Variants in PRKG1 observed in about 807,000 individuals in gnomAD.
The protein encoded by PRKG1 is cGMP-dependent protein kinase 1.
PRKG1 carries 35 observed loss-of-function variants against 88.1 expected under a neutral mutation model. The observed-to-expected ratio is 0.40, with a 90% CI of 0.30 to 0.53. The LOEUF (loss-of-function observed/expected upper bound fraction) is 0.53, where lower values mean the gene tolerates loss of function less well. Ranked by LOEUF, PRKG1 falls within the 20% of genes least tolerant of loss-of-function variation. The pLI, the probability that PRKG1 is intolerant of heterozygous loss-of-function variation, is 0.59. For synonymous variants in PRKG1, 303 were observed against 292.5 expected (o/e 1.04, Z -0.37); for missense variants, 540 against 839.8 (o/e 0.64, Z 4.41).
chr10:52,140,820 T>C (rs1223296006), intron 8 of PRKG1, among the ~76,000 whole-genome samples: 1 of 151,872 alleles, frequency 6.6e-6, no homozygotes, highest in Non-Finnish European at 1.5e-5. Flanking sequence ...CCAATGGTGA[T>C]TTGCCCACCG....
chr10:51,635,327 C>T (rs557847870), intron 3 of PRKG1, among the ~76,000 whole-genome samples: 51 of 146,940 alleles, frequency 3.5e-4, no homozygotes, highest in African/African-American at 1.2e-3. Context: ...GAAGTTGCCA[C>T]AGTATGAAAG....
chr10:52,141,776 G>A (rs1837588114), intron 8 of PRKG1, among the ~76,000 whole-genome samples: 1 of 152,116 alleles, frequency 6.6e-6, no homozygotes, highest in South Asian at 2.1e-4. Flanking sequence ...AAGTGGATAA[G>A]TCAGAAAGTC....
intron 1 of PRKG1, among the ~76,000 whole-genome samples, chr10:51,061,433 A>G (rs896170183): frequency 1.3e-5 from 2 of 152,220 alleles, no homozygotes; most frequent in Non-Finnish European, 2.9e-5. Context: ...GTGGGAACTC[A>G]GCCAAACCAT....
rs751164572 is a variant in PRKG1, at chr10:51,567,033, TATCAC to T, written c.592+99199_592+99203del. 4.5e-3 allele frequency among the ~76,000 whole-genome samples: 678 copies of T among 152,182 alleles called. 10 individuals carry two copies. Among genetic ancestry groups the T allele is most frequent in the Middle Eastern group, 0.044 (13 of 294 alleles). ...GTGATTACTTCACAATGTGTACATA[TATCAC>T]AACACTAAGTTGTTCATCTTAAATA... On this transcript the variant is annotated intron_variant, in intron 3 of 17. Transcript: ENST00000373980.
At chr10:51,477,388 T>A (rs1840227798) in intron 3 of PRKG1, among the ~76,000 whole-genome samples, 1 of 149,938 alleles carries the variant, frequency 6.7e-6, no homozygotes, top group Admixed American at 6.8e-5. Flanking sequence ...CATGGATGGG[T>A]TTAGTGGAGG....
chr10:51,321,257 T>C (rs896254935), intron 2 of PRKG1, among the ~76,000 whole-genome samples: 1 of 152,106 alleles, frequency 6.6e-6, no homozygotes. Flanking sequence ...CCTCCAAGAC[T>C]CAGTTAGCTC....
At chr10:51,264,262 C>T (rs571919124) in intron 2 of PRKG1, among the ~76,000 whole-genome samples, 2 of 152,244 alleles carry the variant, frequency 1.3e-5, no homozygotes, top group South Asian at 4.1e-4. Flanking sequence ...AAGGTTGCAT[C>T]CAAAATGTTG....
chr10:51,623,371 T>TTTTA (rs1210488544), intron 3 of PRKG1, among the ~76,000 whole-genome samples: 2 of 152,118 alleles, frequency 1.3e-5, no homozygotes, highest in Non-Finnish European at 2.9e-5. Context: ...TGGCTAATTT[T>TTTTA]TTTAACTATT....
intron 2 of PRKG1, among the ~76,000 whole-genome samples, chr10:51,443,632 A>T (rs1484176828): frequency 6.6e-6 from 1 of 152,012 alleles, no homozygotes; most frequent in Non-Finnish European, 1.5e-5. Context: ...TGATCCACAA[A>T]TGTGGACTTT....
At chr10:51,505,455 G>C (rs1422528111) in intron 3 of PRKG1, among the ~76,000 whole-genome samples, 1 of 152,066 alleles carries the variant, frequency 6.6e-6, no homozygotes, top group Non-Finnish European at 1.5e-5. Context: ...GTCTCTGCTA[G>C]GCTTTGGTAT....
intron 1 of PRKG1, among the ~76,000 whole-genome samples, chr10:51,068,058 G>C (rs933841288): frequency 2.0e-5 from 3 of 151,988 alleles, no homozygotes; most frequent in Non-Finnish European, 4.4e-5. Context: ...TGCATCTCCT[G>C]GGCCCCAGCC....
At chr10:51,834,334 A>C (rs1211216253) in intron 4 of PRKG1, among the ~76,000 whole-genome samples, 1 of 152,066 alleles carries the variant, frequency 6.6e-6, no homozygotes, top group African/African-American at 2.4e-5. Flanking sequence ...TTCTAGGCCT[A>C]AATTTATTGA....
At chr10:52,117,840 C>T (rs937087252) in intron 7 of PRKG1, among the ~76,000 whole-genome samples, 1 of 151,936 alleles carries the variant, frequency 6.6e-6, no homozygotes, top group African/African-American at 2.4e-5. Context: ...TGATAAAATA[C>T]ATACACATGG....
In PRKG1 at chr10:52,062,623, C is replaced by G. The variant is rs758935567; in HGVS notation, c.927C>G (p.Ala309=). 1 of 1,598,158 alleles carries G rather than the reference C, an allele frequency of 6.3e-7. No individual in the cohort carries two copies. The highest frequency in any genetic ancestry group is 1.1e-5 in the South Asian group (1 of 89,070). ...LGKGDWFGEK[A]LQGEDVRTAN... ...AAGGAGACTGGTTTGGAGAGAAAGC[C>G]TTGCAGGGGTAAGTAGATCATGTGT... Residue 309 remains alanine, a synonymous_variant, in exon 7 of 18, where the codon GCC becomes GCG. Coordinates refer to ENST00000373980, the MANE Select transcript of PRKG1 (RefSeq NM_006258.4).
At chr10:50,993,923 C>G (rs1234182786) in intron 1 of PRKG1, among the ~76,000 whole-genome samples, 1 of 152,220 alleles carries the variant, frequency 6.6e-6, no homozygotes, top group Non-Finnish European at 1.5e-5. Context: ...CCTCCCTTTC[C>G]CAACATTTTC....
At chr10:52,022,224 T>C (rs1845204056) in intron 5 of PRKG1, among the ~76,000 whole-genome samples, 1 of 152,192 alleles carries the variant, frequency 6.6e-6, no homozygotes, top group Non-Finnish European at 1.5e-5. Context: ...TAGACTAGGC[T>C]AAGTTATGAT....
intron 2 of PRKG1, among the ~76,000 whole-genome samples, chr10:51,230,742 A>G (rs1368844172): frequency 6.6e-6 from 1 of 152,160 alleles, no homozygotes; most frequent in Non-Finnish European, 1.5e-5. Context: ...AGTAAATGCT[A>G]TGTAAATAGT....
rs572288864 is a variant in PRKG1, at chr10:52,206,267, G to A, written c.1076+44304G>A. ...TCCTTCAGCTCCATCAGATCAGTTTGTTTCTTTCTCTAAATGGCCATTTCC... is the reference window on the plus strand; with the variant it reads ...TCCTTCAGCTCCATCAGATCAGTTTATTTCTTTCTCTAAATGGCCATTTCC... On this transcript the variant is annotated intron_variant, in intron 9 of 17. Transcript: ENST00000373980. Among the ~76,000 whole-genome samples, 21 of 152,134 alleles carry A rather than the reference G, an allele frequency of 1.4e-4. No individual in the cohort carries two copies. The South Asian group carries it at 3.3e-3, about 24-fold the overall frequency.
chr10:51,953,193 T>A (rs943093877), intron 5 of PRKG1, among the ~76,000 whole-genome samples: 11 of 152,198 alleles, frequency 7.2e-5, no homozygotes, highest in Non-Finnish European at 1.5e-4. Context: ...TGGAAGATTA[T>A]AATTTGTGTG....
Sources: allele counts gnomAD v4.1 joint callset (sites outside exome capture counted in the v4.1 genomes callset), GRCh38; gene constraint gnomAD v4.1.1; transcripts MANE v1.5; gene names NCBI Gene and HGNC (gene_info 2026-07-23, HGNC 2026-07-21).